Variants in UVRAG observed in about 807,000 individuals in gnomAD.
UVRAG encodes the protein UV radiation resistance associated.
Under a neutral mutation model 78.0 loss-of-function variants are expected in UVRAG, and 19 were observed. That is an observed-to-expected ratio of 0.24 (90% CI 0.17 to 0.36). UVRAG has a LOEUF of 0.36. Ranked by LOEUF, UVRAG falls within the 10% of genes least tolerant of loss-of-function variation. The probability of loss-of-function intolerance (pLI) is 1.00; values close to 1 mark genes in which losing one functional copy is unlikely to be tolerated. For synonymous variants in UVRAG, 323 were observed against 324.6 expected (o/e 1.00, Z 0.05); for missense variants, 740 against 853.8 (o/e 0.87, Z 1.66).
chr11:76,055,448 T>C (rs1418382373), intron 12 of UVRAG, among the ~76,000 whole-genome samples: 1 of 152,242 alleles, frequency 6.6e-6, no homozygotes, highest in Non-Finnish European at 1.5e-5. Context: ...ACAGAAAAGT[T>C]GAAAGAATCT....
intron 1 of UVRAG, among the ~76,000 whole-genome samples, chr11:75,834,179 C>G (rs1015025901): frequency 5.3e-5 from 8 of 152,150 alleles, no homozygotes; most frequent in Admixed American, 2.6e-4. Context: ...CGTTGTGTCT[C>G]TAATGTAGAA....
rs960091137 is a variant in UVRAG at position 75,888,946 on chromosome 11, G to A, written c.507+43G>A. On this transcript the variant is annotated intron_variant, in intron 5 of 14. Coordinates refer to ENST00000356136, the MANE Select transcript of UVRAG (RefSeq NM_003369.4). ...ATGTTATGAATTTTGTTTAGTGCAG[G>A]TGTGCCTTGCAGGTGTACAGGGTAG... The A allele has an allele frequency of 3.9e-6, 6 of 1,550,504 alleles. No homozygotes were observed. In the African/African-American group the frequency reaches 6.8e-5, roughly 18 times the overall value.
chr11:75,882,437 G>A (rs780811630), intron 4 of UVRAG, among the ~76,000 whole-genome samples: 6 of 151,784 alleles, frequency 4.0e-5, no homozygotes, highest in African/African-American at 7.3e-5. Context: ...TGCTTGAACC[G>A]GGGAGGTGGA....
At chr11:76,140,528 T>C (rs1279729086) in intron 14 of UVRAG, among the ~76,000 whole-genome samples, 183 bp from the exon 15 acceptor site, 7 of 152,182 alleles carry the variant, frequency 4.6e-5, no homozygotes, top group Non-Finnish European at 1.0e-4. Context: ...GCTCCCAAAG[T>C]TGGACCCACA....
rs1197229196 is a variant in UVRAG at position 75,983,582 on chromosome 11, A to C, written c.826+69A>C. The C allele has an allele frequency of 6.1e-6, 9 of 1,475,206 alleles. No individual in the cohort carries two copies. The African/African-American group carries it at 1.3e-4, about 21-fold the overall frequency. 91.4% of individuals were successfully genotyped at this position (1,475,206 alleles called of 1,614,324 possible). On this transcript the variant is annotated intron_variant, in intron 8 of 14. Transcript: ENST00000356136. Reference sequence around the variant, plus strand: ...TAGTTCTCCTTTCTTCTTCTTCACAAGCTCAAATAGTCATTTTTTGTGTAA... The same window carrying C: ...TAGTTCTCCTTTCTTCTTCTTCACACGCTCAAATAGTCATTTTTTGTGTAA...
At chr11:76,041,514 A>G (rs950455728) in intron 12 of UVRAG, among the ~76,000 whole-genome samples, 1 of 152,244 alleles carries the variant, frequency 6.6e-6, no homozygotes, top group Non-Finnish European at 1.5e-5. Context: ...AAGCACAGAC[A>G]CCAAATGGAA....
intron 13 of UVRAG, among the ~76,000 whole-genome samples, chr11:76,091,279 G>A (rs2134427362): frequency 6.6e-6 from 1 of 151,922 alleles, no homozygotes; most frequent in African/African-American, 2.4e-5. Flanking sequence ...ATTTTGCTTT[G>A]CCTTGCTTTT....
chr11:75,943,443 G>A (rs1397169181), intron 6 of UVRAG, among the ~76,000 whole-genome samples: 1 of 151,778 alleles, frequency 6.6e-6, no homozygotes, highest in Admixed American at 6.6e-5. Flanking sequence ...TTCCTCAAGT[G>A]TGTTTATTGT....
chr11:75,951,368 T>TGTTTG (rs1555094013), intron 6 of UVRAG, among the ~76,000 whole-genome samples: 1 of 150,286 alleles, frequency 6.7e-6, no homozygotes, highest in African/African-American at 2.5e-5. Context: ...TGTATATATT[T>TGTTTG]TTTGTTTGTT....
rs761335346 is a variant in UVRAG, at chr11:76,141,304, A to T, written c.1991A>T (p.Glu664Val). 1.2e-6 allele frequency: 2 copies of T among 1,614,228 alleles called. No homozygotes were observed. The highest frequency in any genetic ancestry group is 3.3e-5 in the Admixed American group (2 of 60,032). ...CCAGTGGACAGTGCTGTGGCAGTAGAGTGTGACGAACAAGTTCTGGGAGAA... is the reference window on the plus strand; with the variant it reads ...CCAGTGGACAGTGCTGTGGCAGTAGTGTGTGACGAACAAGTTCTGGGAGAA... ...CIPVDSAVAV[E>V]CDEQVLGEFE... Residue 664 changes from glutamate (E) to valine (V), a missense_variant, in exon 15 of 15, where the codon GAG becomes GTG. Glu to Val is a moderately radical substitution (Grantham distance 121, BLOSUM62 -2). Transcript: ENST00000356136.
chr11:75,958,503 T>C (rs994077634), intron 6 of UVRAG, among the ~76,000 whole-genome samples: 2 of 152,220 alleles, frequency 1.3e-5, no homozygotes, highest in African/African-American at 2.4e-5. Context: ...AGTTTGATCA[T>C]GAGATCACAG....
At chr11:76,013,543 T>C (rs1950092998) in intron 11 of UVRAG, among the ~76,000 whole-genome samples, 1 of 152,210 alleles carries the variant, frequency 6.6e-6, no homozygotes, top group Non-Finnish European at 1.5e-5. Context: ...TAATGCTTAC[T>C]GGAAAAGCAC....
intron 13 of UVRAG, among the ~76,000 whole-genome samples, chr11:76,090,174 T>C (rs1299324426): frequency 6.6e-6 from 1 of 152,200 alleles, no homozygotes; most frequent in Non-Finnish European, 1.5e-5. Context: ...CCACACTGAC[T>C]GTGGAGTGGT....
At chr11:75,877,428 G>A (rs556829067) in intron 3 of UVRAG, among the ~76,000 whole-genome samples, 5 of 151,844 alleles carry the variant, frequency 3.3e-5, no homozygotes, top group South Asian at 4.2e-4. Context: ...AGGGGCGGCC[G>A]GGCAGAGGTG....
At chr11:76,028,817 G>A (rs1207607528) in intron 12 of UVRAG, among the ~76,000 whole-genome samples, 2 of 152,284 alleles carry the variant, frequency 1.3e-5, no homozygotes, top group East Asian at 3.9e-4. Context: ...GGTGAAGCAG[G>A]AAGTGCTGAT....
intron 6 of UVRAG, among the ~76,000 whole-genome samples, chr11:75,949,740 T>C (rs549153789): frequency 5.7e-5 from 8 of 140,144 alleles, no homozygotes; most frequent in East Asian, 2.0e-4. Context: ...CATATACACA[T>C]ATATATATAC....
chr11:75,981,835 A>C (rs915168838), intron 7 of UVRAG, among the ~76,000 whole-genome samples: 4 of 150,434 alleles, frequency 2.7e-5, no homozygotes, highest in Non-Finnish European at 5.9e-5. Flanking sequence ...GAGCCCATTC[A>C]CTGAGTTTTT....
intron 5 of UVRAG, among the ~76,000 whole-genome samples, chr11:75,905,077 A>G (rs1243110868): frequency 2.6e-5 from 4 of 152,262 alleles, no homozygotes; most frequent in South Asian, 2.1e-4. Flanking sequence ...TTTTTATAGT[A>G]AGAAAAAATA....
intron 6 of UVRAG, among the ~76,000 whole-genome samples, chr11:75,961,185 C>T (rs920255879): frequency 3.3e-5 from 5 of 152,064 alleles, no homozygotes; most frequent in Admixed American, 6.6e-5. Flanking sequence ...AGGGCTCTTC[C>T]CAACTCCTTT....
Sources: gnomAD v4.1 joint callset for allele counts (sites outside exome capture counted in the v4.1 genomes callset) on GRCh38, gnomAD v4.1.1 for gene constraint, MANE v1.5 for transcripts, NCBI Gene and HGNC (gene_info 2026-07-23, HGNC 2026-07-21) for gene names.